The following TMEM131L variants were observed in gnomAD, a reference collection of about 807,000 sequenced individuals.
TMEM131L encodes transmembrane 131 like, also known as transmembrane protein 131-like.
Under a neutral mutation model 192.2 loss-of-function variants are expected in TMEM131L, and 54 were observed. The observed-to-expected ratio is 0.28, with a 90% CI of 0.23 to 0.35. TMEM131L has a LOEUF of 0.35. Ranked by LOEUF, TMEM131L falls within the 10% of genes least tolerant of loss-of-function variation. TMEM131L has a pLI of 1.00. For synonymous variants in TMEM131L, 701 were observed against 704.9 expected, an observed-to-expected ratio of 0.99 and a Z score of 0.09; for missense variants, 1,888 against 1,972.9, an observed-to-expected ratio of 0.96 and a Z score of 0.82.
intron 25 of TMEM131L, among the ~76,000 whole-genome samples, chr4:153,610,964 C>T (rs575780332): frequency 1.3e-5 from 2 of 152,286 alleles, no homozygotes; most frequent in South Asian, 2.1e-4. Context: ...TGAAATACAT[C>T]GTTTCAAATT....
At chr4:153,578,220 G>T (rs1279108521) in intron 7 of TMEM131L, among the ~76,000 whole-genome samples, 1 of 152,166 alleles carries the variant, frequency 6.6e-6, no homozygotes, top group East Asian at 1.9e-4. Flanking sequence ...GCTGGGCATG[G>T]TAGTGCACGC....
At chr4:153,580,777 G>T in intron 7 of TMEM131L, 49 bp from the exon 8 acceptor site, 2 of 1,059,170 alleles carry the variant, frequency 1.9e-6, no homozygotes, top group South Asian at 1.3e-5. Flanking sequence ...ATTAGTGTGA[G>T]ATTGAGCCTT....
At chr4:153,492,627 A>G (rs1478985036) in intron 3 of TMEM131L, among the ~76,000 whole-genome samples, 1 of 152,228 alleles carries the variant, frequency 6.6e-6, no homozygotes, top group Admixed American at 6.5e-5. Flanking sequence ...CCCCTGAAGC[A>G]TATTGGTTAA....
chr4:153,491,506 A>G (rs1481609980), intron 3 of TMEM131L, among the ~76,000 whole-genome samples: 1 of 152,130 alleles, frequency 6.6e-6, no homozygotes, highest in African/African-American at 2.4e-5. Flanking sequence ...AATCATTCAT[A>G]TGGTAAGACT....
At chr4:153,556,338 A>G (rs1388483619) in intron 5 of TMEM131L, among the ~76,000 whole-genome samples, 1 of 152,190 alleles carries the variant, frequency 6.6e-6, no homozygotes, top group Non-Finnish European at 1.5e-5. Context: ...TAAATCCAGA[A>G]CTGCAAGGTA....
At chr4:153,580,399 T>C (rs563669241) in intron 7 of TMEM131L, among the ~76,000 whole-genome samples, 1 of 152,308 alleles carries the variant, frequency 6.6e-6, no homozygotes, top group South Asian at 2.1e-4. Flanking sequence ...TCTAGGTCAT[T>C]GTACTGATGG....
chr4:153,513,170 T>G (rs1166256700), intron 3 of TMEM131L, among the ~76,000 whole-genome samples: 2 of 152,212 alleles, frequency 1.3e-5, no homozygotes, highest in Non-Finnish European at 2.9e-5. Flanking sequence ...GCAGGCTGTT[T>G]GAATTTACTG....
At chr4:153,615,860 G>T (rs952065431) in intron 26 of TMEM131L, among the ~76,000 whole-genome samples, 1 of 152,116 alleles carries the variant, frequency 6.6e-6, no homozygotes, top group African/African-American at 2.4e-5. Flanking sequence ...GGGTGCCATC[G>T]CCTATTTCAA....
chr4:153,541,988 T>C (rs1736817105), intron 3 of TMEM131L, among the ~76,000 whole-genome samples: 1 of 152,344 alleles, frequency 6.6e-6, no homozygotes, highest in African/African-American at 2.4e-5. Flanking sequence ...GCACCCCAGC[T>C]GTTAGTGGGG....
intron 25 of TMEM131L, among the ~76,000 whole-genome samples, chr4:153,606,198 A>C (rs918059968): frequency 3.3e-5 from 5 of 152,172 alleles, no homozygotes; most frequent in Non-Finnish European, 5.9e-5. Flanking sequence ...ATTTGTGAAA[A>C]GGTGAATTAT....
chr4:153,538,884 T>TTGTTTTCC (rs1736546460), intron 3 of TMEM131L, among the ~76,000 whole-genome samples: 2 of 152,068 alleles, frequency 1.3e-5, no homozygotes. Context: ...GTGGAGACGT[T>TTGTTTTCC]TGTTTTCCTG....
chr4:153,622,234 T>C (rs1733475934), intron 28 of TMEM131L, among the ~76,000 whole-genome samples: 1 of 152,164 alleles, frequency 6.6e-6, no homozygotes. Context: ...ACCCAAGGCC[T>C]GCTGGGCAGT....
chr4:153,592,040 G>A (rs1731102797), intron 17 of TMEM131L, among the ~76,000 whole-genome samples: 1 of 151,914 alleles, frequency 6.6e-6, no homozygotes, highest in Non-Finnish European at 1.5e-5. Flanking sequence ...TAAGAACGAG[G>A]GCTTTTTTCT....
chr4:153,619,775 A>G (rs1196030955), intron 26 of TMEM131L, among the ~76,000 whole-genome samples: 3 of 152,214 alleles, frequency 2.0e-5, no homozygotes, highest in Non-Finnish European at 4.4e-5. Context: ...TGCTGGGCCA[A>G]CCTTCTGAAA....
intron 3 of TMEM131L, among the ~76,000 whole-genome samples, chr4:153,548,952 C>A (rs1057033868): frequency 6.6e-5 from 10 of 152,004 alleles, no homozygotes; most frequent in Non-Finnish European, 1.5e-4. Context: ...TGGAAAGATT[C>A]TATTTACTTA....
At chr4:153,540,399 AC>A (rs1179509507) in intron 3 of TMEM131L, among the ~76,000 whole-genome samples, 1 of 152,050 alleles carries the variant, frequency 6.6e-6, no homozygotes, top group Non-Finnish European at 1.5e-5. Context: ...CTCAAATGCC[AC>A]CTCTTCCAAA....
At chr4:153,635,661 C>G in intron 34 of TMEM131L, 90 bp downstream of exon 34, 2 of 1,473,926 alleles carry the variant, frequency 1.4e-6, no homozygotes, top group East Asian at 2.4e-5. Flanking sequence ...CTAGCTTTAG[C>G]GTTGGGTTTG....
chr4:153,578,710 C>T (rs1162615368), intron 7 of TMEM131L, among the ~76,000 whole-genome samples: 54 of 152,004 alleles, frequency 3.6e-4, no homozygotes, highest in Admixed American at 3.4e-3. Flanking sequence ...TTAGTAGAGA[C>T]GGGGTTTCAC....
At chr4:153,526,683 A>G (rs999303457) in intron 3 of TMEM131L, among the ~76,000 whole-genome samples, 23 of 151,738 alleles carry the variant, frequency 1.5e-4, no homozygotes, top group African/African-American at 5.6e-4. Flanking sequence ...GCTTGCAGTG[A>G]GCGAGATCAC....
Sources: allele counts gnomAD v4.1 joint callset (sites outside exome capture counted in the v4.1 genomes callset), GRCh38; gene constraint gnomAD v4.1.1; transcripts MANE v1.5; gene names NCBI Gene and HGNC (gene_info 2026-07-23, HGNC 2026-07-21).